The following CNTN1 variants were observed in gnomAD, a reference collection of about 807,000 sequenced individuals.
CNTN1 encodes contactin 1, also known as contactin-1.
Under a neutral mutation model 126.4 loss-of-function variants are expected in CNTN1, and 38 were observed. The ratio of observed to expected loss-of-function variants is 0.30; its 90% confidence interval spans 0.23 to 0.39. CNTN1 has a LOEUF of 0.39. CNTN1 is among the 10% of genes least tolerant of loss of function. The pLI is 1.00. For missense variants in CNTN1, 1,009 were observed against 1,248.4 expected, an observed-to-expected ratio of 0.81 and a Z score of 2.89; for synonymous variants, 413 against 422.6, an observed-to-expected ratio of 0.98 and a Z score of 0.28.
intron 1 of CNTN1, among the ~76,000 whole-genome samples, chr12:40,894,210 C>A (rs1944329642): frequency 6.6e-6 from 1 of 152,108 alleles, no homozygotes; most frequent in Admixed American, 6.5e-5. Context: ...ATAACAGCTT[C>A]TTCATTTGCT....
At chr12:40,774,691 T>C (rs1428510898) in intron 1 of CNTN1, among the ~76,000 whole-genome samples, 1 of 151,580 alleles carries the variant, frequency 6.6e-6, no homozygotes, top group Non-Finnish European at 1.5e-5. Flanking sequence ...CATCTCAATA[T>C]ATAATTTAGC....
chr12:40,881,456 G>T (rs1943867227), intron 1 of CNTN1, among the ~76,000 whole-genome samples: 1 of 151,760 alleles, frequency 6.6e-6, no homozygotes, highest in South Asian at 2.1e-4. Context: ...CTATACTATG[G>T]CCAGAGGTTC....
At chr12:40,946,967 A>G (rs1274274741) in intron 14 of CNTN1, among the ~76,000 whole-genome samples, 2 of 151,918 alleles carry the variant, frequency 1.3e-5, no homozygotes, top group Admixed American at 6.6e-5. Context: ...TATTTTTTCT[A>G]ATTAAAGTTA....
chr12:40,738,824 G>A (rs1402367172), intron 1 of CNTN1, among the ~76,000 whole-genome samples: 1 of 152,022 alleles, frequency 6.6e-6, no homozygotes, highest in African/African-American at 2.4e-5. Context: ...AAAAAGCATA[G>A]CAGTGGAGAG....
At chr12:40,763,346 G>T (rs532478760) in intron 1 of CNTN1, 1 of 152,304 alleles carries the variant, frequency 6.6e-6, no homozygotes, top group Admixed American at 6.5e-5. Context: ...CTTAAATCTT[G>T]AGCAAAGGTC....
At chr12:40,847,173 T>C (rs73118764) in intron 1 of CNTN1, among the ~76,000 whole-genome samples, 36,780 of 152,024 alleles carry the variant, frequency 0.24, 4,955 homozygotes, top group South Asian at 0.36. Context: ...GCCCTCCTTA[T>C]AGTCTTGATT....
chr12:40,749,364 A>G (rs1938305609), intron 1 of CNTN1, among the ~76,000 whole-genome samples: 2 of 152,120 alleles, frequency 1.3e-5, no homozygotes, highest in South Asian at 4.1e-4. Context: ...GACTGAAAAA[A>G]TATTTCTTTT....
chr12:40,709,463 A>C (rs1373805829), intron 1 of CNTN1, among the ~76,000 whole-genome samples: 1 of 152,194 alleles, frequency 6.6e-6, no homozygotes, highest in Non-Finnish European at 1.5e-5. Context: ...CTTCAGATTA[A>C]AGTCAGAAGC....
chr12:40,762,293 C>G (rs1453872051), intron 1 of CNTN1, among the ~76,000 whole-genome samples: 2 of 152,084 alleles, frequency 1.3e-5, no homozygotes, highest in Non-Finnish European at 2.9e-5. Context: ...TAGGGCAAAC[C>G]TTTGACATTT....
chr12:40,773,994 A>G (rs1215686796), intron 1 of CNTN1, among the ~76,000 whole-genome samples: 1 of 151,366 alleles, frequency 6.6e-6, no homozygotes, highest in East Asian at 1.9e-4. Flanking sequence ...TCAACGACGG[A>G]AAAGATGTGT....
Position 40,976,413 on chromosome 12 carries a change from C to T in CNTN1, c.1805-4496C>T, listed in dbSNP as rs370859259. 3.3e-5 allele frequency among the ~76,000 whole-genome samples: 5 copies of T among 151,926 alleles called. No individual in the cohort carries two copies. In the East Asian group the frequency reaches 7.7e-4, roughly 24 times the overall value. ...CCTTAGCTATCTGGCTGAGAACAGCCTAAGAAACTGGAAGGAGATATCAGT... is the reference window on the plus strand; with the variant it reads ...CCTTAGCTATCTGGCTGAGAACAGCTTAAGAAACTGGAAGGAGATATCAGT... On this transcript the variant is annotated intron_variant, in intron 15 of 23. Coordinates refer to ENST00000551295, the MANE Select transcript of CNTN1 (RefSeq NM_001843.4).
chr12:40,933,305 TAAAC>T (rs1276031085), intron 7 of CNTN1, among the ~76,000 whole-genome samples, 152 bp from the exon 8 acceptor site: 1 of 152,010 alleles, frequency 6.6e-6, no homozygotes, highest in Non-Finnish European at 1.5e-5. Flanking sequence ...ATACTGTGCA[TAAAC>T]AAACAAGTCT....
At chr12:40,702,606 C>T (rs549841447) in intron 1 of CNTN1, among the ~76,000 whole-genome samples, 42 of 152,058 alleles carry the variant, frequency 2.8e-4, no homozygotes, top group African/African-American at 8.4e-4. Flanking sequence ...CACCATGCTC[C>T]GCTAATTTTT....
intron 19 of CNTN1, 129 bp from the exon 20 acceptor site, chr12:41,020,208 T>C (rs939111919): frequency 1.6e-6 from 1 of 617,268 alleles, no homozygotes; most frequent in Admixed American, 3.1e-5. Flanking sequence ...AGTTTGAAAA[T>C]AGTAAAGCTA....
intron 1 of CNTN1, among the ~76,000 whole-genome samples, chr12:40,801,997 T>C (rs905180489): frequency 1.3e-4 from 20 of 151,666 alleles, no homozygotes; most frequent in African/African-American, 4.4e-4. Context: ...CAATATATAA[T>C]TAGGGGATAG....
chr12:40,848,092 A>T (rs1323679107), intron 1 of CNTN1, among the ~76,000 whole-genome samples: 5 of 151,938 alleles, frequency 3.3e-5, no homozygotes, highest in Non-Finnish European at 7.4e-5. Context: ...GACCCATACC[A>T]CTCGGCAGCC....
chr12:40,937,435 C>A, intron 10 of CNTN1, 135 bp from the exon 11 acceptor site: 1 of 693,710 alleles, frequency 1.4e-6, no homozygotes, highest in South Asian at 1.5e-5. Context: ...GAAAATCCCA[C>A]TCAGTTCATC....
intron 1 of CNTN1, among the ~76,000 whole-genome samples, chr12:40,783,506 C>A (rs1859094922): frequency 6.6e-6 from 1 of 152,102 alleles, no homozygotes; most frequent in African/African-American, 2.4e-5. Flanking sequence ...GATCATCAGA[C>A]TCCCTTGATA....
At chr12:40,789,199 T>G (rs1740455164) in intron 1 of CNTN1, among the ~76,000 whole-genome samples, 1 of 152,192 alleles carries the variant, frequency 6.6e-6, no homozygotes, top group Non-Finnish European at 1.5e-5. Context: ...AAGTTATTAC[T>G]CTGAGAAGAA....
Sources: allele counts gnomAD v4.1 joint callset (sites outside exome capture counted in the v4.1 genomes callset), GRCh38; gene constraint gnomAD v4.1.1; transcripts MANE v1.5; gene names NCBI Gene and HGNC (gene_info 2026-07-23, HGNC 2026-07-21).